PRR5: variants seen among roughly 807,000 people sequenced by gnomAD.
PRR5 encodes proline-rich protein 5.
In PRR5, 25 loss-of-function variants were observed where a neutral mutation model predicts 30.6. That is an observed-to-expected ratio of 0.82 (90% CI 0.60 to 1.14). The LOEUF is 1.14. Ranked by LOEUF, PRR5 falls within the 50% of genes most tolerant of loss-of-function variation. PRR5 has a pLI of 0.00. For synonymous variants in PRR5, 286 were observed against 247.1 expected (o/e 1.16, Z -1.48); for missense variants, 600 against 547.1 (o/e 1.10, Z -0.96).
chr22:44,671,442 A>C (rs1923421868), intron 1 of PRR5, among the ~76,000 whole-genome samples: 1 of 151,702 alleles, frequency 6.6e-6, no homozygotes, highest in Non-Finnish European at 1.5e-5. Context: ...TCTGGTGAGC[A>C]TATTTCTCGG....
intron 2 of PRR5, among the ~76,000 whole-genome samples, chr22:44,720,457 G>A (rs1317472270): frequency 5.3e-5 from 8 of 152,284 alleles, no homozygotes; most frequent in Non-Finnish European, 1.2e-4. Context: ...CCATCTTGTA[G>A]GGCTTTTGCA....
At chr22:44,693,252 C>G (rs2146973648) in intron 1 of PRR5, among the ~76,000 whole-genome samples, 1 of 152,222 alleles carries the variant, frequency 6.6e-6, no homozygotes, top group East Asian at 1.9e-4. Context: ...TTGCTTGATC[C>G]CAGGAGTTCG....
At chr22:44,736,701 G>C in intron 7 of PRR5, 71 bp from the exon 8 acceptor site, 1 of 1,506,518 alleles carries the variant, frequency 6.6e-7, no homozygotes, top group Non-Finnish European at 8.9e-7. Flanking sequence ...AGTGTGCAGT[G>C]AGCAGCAGGT....
chr22:44,723,462 G>A (rs567201210), intron 2 of PRR5, among the ~76,000 whole-genome samples: 1 of 151,978 alleles, frequency 6.6e-6, no homozygotes, highest in Non-Finnish European at 1.5e-5. Flanking sequence ...GCTCACGCCT[G>A]TAATCCCAGC....
chr22:44,720,506 G>C (rs1929761948), intron 2 of PRR5, among the ~76,000 whole-genome samples: 1 of 152,206 alleles, frequency 6.6e-6, no homozygotes, highest in Admixed American at 6.5e-5. Flanking sequence ...CTGCCTGGAA[G>C]GGGTCTCACA....
chr22:44,696,711 A>G (rs1187115480), intron 1 of PRR5, among the ~76,000 whole-genome samples: 1 of 150,194 alleles, frequency 6.7e-6, no homozygotes. Context: ...CAAGGAAGAC[A>G]TGAACTTACG....
chr22:44,730,522 C>T, intron 4 of PRR5: 1 of 989,966 alleles, frequency 1.0e-6, no homozygotes, highest in Non-Finnish European at 1.2e-6. Context: ...AAGGGTCACT[C>T]ACCTGGTGCA....
At chr22:44,702,196 C>T (rs1926411905), upstream of PRR5, 3 of 1,043,764 alleles carry the variant, frequency 2.9e-6, no homozygotes, top group Non-Finnish European at 3.5e-6. Flanking sequence ...GCCCCCGGGT[C>T]CGCCCCCGGC....
intron 1 of PRR5, among the ~76,000 whole-genome samples, chr22:44,678,148 C>T (rs1923930744): frequency 1.3e-5 from 2 of 152,132 alleles, no homozygotes; most frequent in Admixed American, 1.3e-4. Flanking sequence ...ATGGTCGGGT[C>T]ATCTCCAATG....
rs1195890476 is a variant in PRR5, at chr22:44,691,322, T to C, written c.-10-11170T>C. ...GTGACGTCAGGACTCAGAACCTCCA[T>C]GTCCACCTCGGTGGCACGGAGAGGA... On this transcript the variant is annotated intron_variant, in intron 1 of 8. Coordinates refer to the PRR5 transcript ENST00000006251. The surrounding 1 kb of genome is among the most constrained non-coding windows in gnomAD (Gnocchi z 4.4). Among the ~76,000 whole-genome samples the C allele has an allele frequency of 2.6e-5, 4 of 152,132 alleles. No individual in the cohort carries two copies. The highest frequency in any genetic ancestry group is 5.9e-5 in the Non-Finnish European group (4 of 68,008).
intron 1 of PRR5, among the ~76,000 whole-genome samples, chr22:44,711,617 G>A (rs933421092): frequency 6.6e-6 from 1 of 152,200 alleles, no homozygotes; most frequent in Non-Finnish European, 1.5e-5. Flanking sequence ...CCCACTGCGA[G>A]CCTTGGAGGC....
At chr22:44,675,883 C>A (rs1293932401), upstream of PRR5, among the ~76,000 whole-genome samples, 3 of 151,702 alleles carry the variant, frequency 2.0e-5, no homozygotes, top group African/African-American at 7.3e-5. Context: ...CTCCTAGCCA[C>A]GATCAGTCAT....
In PRR5 at chr22:44,691,544, C is replaced by T. The variant is rs1291664699; in HGVS notation, c.-10-10948C>T. On this transcript the variant is annotated intron_variant, in intron 1 of 8. Transcript: ENST00000006251. This position sits in a 1 kb window ranked among gnomAD's most constrained non-coding sequence, Gnocchi z 4.4. ...GGCCGAGCAGTTTGGGAGGCCGAGG[C>T]GGGTAGATCACCTGAGGTCAGGAGT... Among the ~76,000 whole-genome samples the T allele has an allele frequency of 2.0e-5, 3 of 152,138 alleles. No homozygotes were observed. Among genetic ancestry groups the T allele is most frequent in the South Asian group, 2.1e-4 (1 of 4,828 alleles).
At chr22:44,721,710 T>C (rs917116548) in intron 2 of PRR5, among the ~76,000 whole-genome samples, 11 of 152,310 alleles carry the variant, frequency 7.2e-5, no homozygotes, top group African/African-American at 2.6e-4. Flanking sequence ...CACCTCCTGC[T>C]GTATGTTCAC....
At chr22:44,686,355 G>C (rs1312355729) in intron 1 of PRR5, among the ~76,000 whole-genome samples, 1 of 151,870 alleles carries the variant, frequency 6.6e-6, no homozygotes, top group Admixed American at 6.6e-5. Context: ...TGATTTTTTT[G>C]AGACAGGGAC....
At chr22:44,699,922 G>T (rs1265810688), upstream of PRR5, among the ~76,000 whole-genome samples, 1 of 79,658 alleles carries the variant, frequency 1.3e-5, no homozygotes, top group Admixed American at 1.7e-4. Flanking sequence ...TATGTTTTTT[G>T]TTGTTGTTTT....
chr22:44,672,467 C>A (rs981554390), upstream of PRR5, among the ~76,000 whole-genome samples: 10 of 152,088 alleles, frequency 6.6e-5, no homozygotes, highest in Non-Finnish European at 1.3e-4. Context: ...ACCTGTAGTC[C>A]CAGCTACTCG....
intron 4 of PRR5, 40 bp downstream of exon 4, chr22:44,726,674 G>C (rs781108638): frequency 1.2e-6 from 2 of 1,613,712 alleles, no homozygotes; most frequent in Admixed American, 1.7e-5. Flanking sequence ...GGGCCATGCT[G>C]GGTCCTGGCT....
At chr22:44,696,253 G>A (rs370593088) in intron 1 of PRR5, among the ~76,000 whole-genome samples, 1 of 152,130 alleles carries the variant, frequency 6.6e-6, no homozygotes, top group African/African-American at 2.4e-5. Context: ...CAAAGGAGGT[G>A]GCAGAGCTGA....
Sources: allele counts gnomAD v4.1 joint callset (sites outside exome capture counted in the v4.1 genomes callset), GRCh38; gene constraint gnomAD v4.1.1; non-coding constraint Gnocchi (gnomAD v3.1); transcripts MANE v1.5; gene names NCBI Gene and HGNC (gene_info 2026-07-23, HGNC 2026-07-21).